The following SAMD11 variants were observed in gnomAD, a reference collection of about 807,000 sequenced individuals.
SAMD11 encodes the protein sterile alpha motif domain-containing protein 11.
Under a neutral mutation model 64.4 loss-of-function variants are expected in SAMD11, and 77 were observed. That is an observed-to-expected ratio of 1.20 (90% CI 0.99 to 1.44). The LOEUF is 1.44. SAMD11 is among the 40% of genes most tolerant of loss of function. The probability of loss-of-function intolerance (pLI) is 0.00; values close to 1 mark genes in which losing one functional copy is unlikely to be tolerated. For synonymous variants in SAMD11, 658 were observed against 421.9 expected (o/e 1.56, Z -6.86); for missense variants, 1,402 against 943.3 (o/e 1.49, Z -6.37).
chr1:924,116 C>G lies in SAMD11; in HGVS notation c.-316C>G, dbSNP rs1189996909. The G allele has an allele frequency of 6.7e-6, 1 of 149,602 alleles. No homozygotes were observed. Among genetic ancestry groups the G allele is most frequent in the Non-Finnish European group, 1.5e-5 (1 of 67,050 alleles). The allele number at this position is 149,602 out of a possible 1,614,324, so 9.3% of individuals were successfully genotyped here. A position where few individuals can be genotyped will look rare whatever the true frequency, so the allele number is the denominator to read the frequency against. ...GGCGTGGGACTGCCCCGGGCGCGGGCGCTGGTGGCCGGGGCGCGGGACTCC... is the reference window on the plus strand; with the variant it reads ...GGCGTGGGACTGCCCCGGGCGCGGGGGCTGGTGGCCGGGGCGCGGGACTCC... On this transcript the variant is annotated 5_prime_UTR_variant, in exon 1 of 14. Coordinates refer to ENST00000616016, the MANE Select transcript of SAMD11 (RefSeq NM_001385641.1).
rs1640798268 is a variant in SAMD11 at position 924,755 on chromosome 1, G to C, written c.324G>C (p.Leu108=). ...CCGCGGCCCCGGATTTCCAGCCGCTGCTGGACAACGGCGAGCCGTGCATCG... is the reference window on the plus strand; with the variant it reads ...CCGCGGCCCCGGATTTCCAGCCGCTCCTGGACAACGGCGAGCCGTGCATCG... ...TAAAAPDFQP[L]LDNGEPCIEV... Residue 108 remains leucine, a synonymous_variant, in exon 1 of 14, where the codon CTG becomes CTC. Coordinates refer to ENST00000616016, the MANE Select transcript of SAMD11 (RefSeq NM_001385641.1). 6.6e-6 allele frequency: 1 copy of C among 152,128 alleles called. No homozygotes were observed. Among genetic ancestry groups the C allele is most frequent in the African/African-American group, 2.4e-5 (1 of 41,426 alleles). 9.4% of individuals were successfully genotyped at this position (152,128 alleles called of 1,614,324 possible).
chr1:938,281 A>G (rs530621575), intron 5 of SAMD11, among the ~76,000 whole-genome samples: 2 of 149,404 alleles, frequency 1.3e-5, no homozygotes, highest in East Asian at 2.0e-4. Context: ...CTGAAGCTGG[A>G]CCTGGCCTGG....
At chr1:943,663 C>T (rs1336770352) in intron 12 of SAMD11, 35 bp from the exon 13 acceptor site, 7 of 1,503,926 alleles carry the variant, frequency 4.7e-6, no homozygotes, top group East Asian at 2.4e-5. Context: ...TGGAGCAGCA[C>T]CCGGGTCCTG....
chr1:930,964 C>A, intron 3 of SAMD11, 75 bp from the exon 4 acceptor site: 1 of 1,450,042 alleles, frequency 6.9e-7, no homozygotes, highest in Non-Finnish European at 9.7e-7. Context: ...GACAGGTCTG[C>A]GCACGCCCTG....
intron 7 of SAMD11, 173 bp downstream of exon 7, chr1:939,585 T>C: frequency 4.2e-6 from 2 of 481,364 alleles, no homozygotes; most frequent in Non-Finnish European, 6.3e-6. Context: ...CTGCCACACG[T>C]CCTGCCCCAT....
In SAMD11 at chr1:936,514, T is replaced by G. The variant is rs1297666409; in HGVS notation, c.967+618T>G. On this transcript the variant is annotated intron_variant, in intron 5 of 13. Transcript: ENST00000616016. ...GGCGCCTGAGGGAGGTGCTGCTGCC[T>G]GGTCACAGTTGTGGGGGGACCAGGC... Among the ~76,000 whole-genome samples the G allele has an allele frequency of 2.0e-5, 3 of 152,206 alleles. No individual in the cohort carries two copies. In the East Asian group the frequency reaches 5.8e-4, roughly 30 times the overall value.
At position 942,671 on chromosome 1, in the gene SAMD11, C is replaced by T; in HGVS notation, c.1666C>T (p.Arg556Trp). The T allele has an allele frequency of 7.0e-7, 1 of 1,429,922 alleles. No homozygotes were observed. Among genetic ancestry groups the T allele is most frequent in the Non-Finnish European group, 9.1e-7 (1 of 1,099,826 alleles). 88.6% of individuals were successfully genotyped at this position (1,429,922 alleles called of 1,614,324 possible). ...CAACGACGGCGCCGAGGAGCTGCAGCGGCGCGGGGCCCTGCTGGTGCTGAA... is the reference window on the plus strand; with the variant it reads ...CAACGACGGCGCCGAGGAGCTGCAGTGGCGCGGGGCCCTGCTGGTGCTGAA... ...RPNDGAEELQ[R>W]RGALLVLNHG... is the part of the protein sequence containing the mutation. Residue 556 changes from arginine (R) to tryptophan (W), a missense_variant, in exon 11 of 14, where the codon CGG (arginine) becomes TGG (tryptophan). By Grantham distance (101) the Arg-to-Trp change is moderately radical. Coordinates refer to ENST00000616016, the MANE Select transcript of SAMD11 (RefSeq NM_001385641.1).
At position 941,262 on chromosome 1, in the gene SAMD11, C is replaced by A; in HGVS notation, c.1314C>A (p.His438Gln). 1.2e-6 allele frequency: 2 copies of A among 1,600,268 alleles called. No individual in the cohort carries two copies. Among genetic ancestry groups the A allele is most frequent in the African/African-American group, 1.3e-5 (1 of 74,776 alleles). ...GTCGGAAGCAGGGCCTGGCTCAGCA[C>A]CGGGAGGGCGCCGCCCCAGCTGCCG... ...GQRRKQGLAQ[H>Q]REGAAPAAAP... Residue 438 changes from histidine to glutamine, a missense_variant, in exon 8 of 14, where the codon CAC (histidine) becomes CAA (glutamine). Transcript: ENST00000616016.
At chr1:927,601 G>A (rs974509076) in intron 2 of SAMD11, among the ~76,000 whole-genome samples, 12 of 152,320 alleles carry the variant, frequency 7.9e-5, no homozygotes, top group Middle Eastern at 3.4e-3. Context: ...TTACTCAGAG[G>A]CTGTCTCCCC....
Position 944,425 on chromosome 1 carries a change from G to A in SAMD11, c.*272G>A. On this transcript the variant is annotated 3_prime_UTR_variant, in exon 14 of 14. Transcript: ENST00000616016. Reference sequence around the variant, plus strand: ...AGGCCTCCCCCTGGAACTGGGACTGGTCTCGGTCTGCTGACGTCAGGGTCA... The same window carrying A: ...AGGCCTCCCCCTGGAACTGGGACTGATCTCGGTCTGCTGACGTCAGGGTCA... The A allele has an allele frequency of 9.2e-7, 1 of 1,083,576 alleles. No homozygotes were observed. The highest frequency in any genetic ancestry group is 3.0e-5 in the East Asian group (1 of 33,178). The allele number at this position is 1,083,576 out of a possible 1,614,324, so 67.1% of individuals were successfully genotyped here.
At chr1:942,346 T>G in intron 9 of SAMD11, 64 bp from the exon 10 acceptor site, 2 of 1,160,920 alleles carry the variant, frequency 1.7e-6, no homozygotes, top group Middle Eastern at 2.8e-4. Context: ...GGGTAGGGGA[T>G]TGCAAAGGGC....
At chr1:941,518 G>A (rs980321627) in intron 8 of SAMD11, among the ~76,000 whole-genome samples, 5 of 152,166 alleles carry the variant, frequency 3.3e-5, no homozygotes, top group Admixed American at 6.5e-5. Flanking sequence ...CCATCAGGGG[G>A]TTCCCTGGAG....
chr1:940,982 G>A, intron 7 of SAMD11, 162 bp from the exon 8 acceptor site: 4 of 564,076 alleles, frequency 7.1e-6, no homozygotes, highest in Non-Finnish European at 9.1e-6. Context: ...TCTCGGCCCT[G>A]TGGCCGCCCA....
chr1:942,028 C>A, intron 8 of SAMD11, 108 bp from the exon 9 acceptor site: 1 of 435,292 alleles, frequency 2.3e-6, no homozygotes, highest in Non-Finnish European at 4.1e-6. Context: ...AGCTGCGCAT[C>A]GACCGCCCGC....
Position 944,263 on chromosome 1 carries a change from AAATTTT to A in SAMD11, c.*113_*118del. 1 of 1,454,000 alleles carries A rather than the reference AAATTTT, an allele frequency of 6.9e-7. No homozygotes were observed. The highest frequency in any genetic ancestry group is 9.0e-7 in the Non-Finnish European group (1 of 1,105,270). The allele number at this position is 1,454,000 out of a possible 1,614,324, so 90.1% of individuals were successfully genotyped here. ...CTTTCGGTTTCGGATGCAAAACAAA[AAATTTT>A]AAAAGAAAATGTGACTTCAAAGGAA... On this transcript the variant is annotated 3_prime_UTR_variant, in exon 14 of 14. Coordinates refer to ENST00000616016, the MANE Select transcript of SAMD11 (RefSeq NM_001385641.1).
At chr1:943,155 C>T (rs1411797550) in intron 11 of SAMD11, 97 bp downstream of exon 11, 1 of 1,589,286 alleles carries the variant, frequency 6.3e-7, no homozygotes. Context: ...CCCTTAGGCA[C>T]CCATCCCCCA....
intron 2 of SAMD11, 21 bp downstream of exon 2, chr1:926,034 G>T: frequency 6.2e-7 from 1 of 1,607,928 alleles, no homozygotes. Context: ...GGGCTCGGTT[G>T]GGGCTGGGAG....
intron 5 of SAMD11, 90 bp from the exon 6 acceptor site, chr1:938,950 G>A (rs1641602258): frequency 8.6e-7 from 1 of 1,156,984 alleles, no homozygotes; most frequent in Non-Finnish European, 1.3e-6. Context: ...CCTGAGAGAT[G>A]GTGGGTGCGG....
Position 942,876 on chromosome 1 carries a change from C to A in SAMD11, c.1871C>A (p.Ser624Ter). 1 of 1,554,306 alleles carries A rather than the reference C, an allele frequency of 6.4e-7. No individual in the cohort carries two copies. The highest frequency in any genetic ancestry group is 8.7e-7 in the Non-Finnish European group (1 of 1,149,034). The change falls in exon 11 of 14, where the codon TCG (serine) becomes TAG (stop). Residue 624 changes from serine to a stop codon, truncating the protein, a stop_gained. Coordinates refer to ENST00000616016, the MANE Select transcript of SAMD11 (RefSeq NM_001385641.1). LOFTEE classifies it high-confidence loss of function. ...TGARLWAQDG[S>*]EDEPPKDSDG... Reference sequence around the variant, plus strand: ...GCTAGGCTCTGGGCACAAGATGGCTCGGAAGACGAGCCCCCCAAAGACTCG... The same window carrying A: ...GCTAGGCTCTGGGCACAAGATGGCTAGGAAGACGAGCCCCCCAAAGACTCG...
Sources: gnomAD v4.1 joint callset for allele counts (sites outside exome capture counted in the v4.1 genomes callset) on GRCh38, gnomAD v4.1.1 for gene constraint, MANE v1.5 for transcripts, NCBI Gene and HGNC (gene_info 2026-07-23, HGNC 2026-07-21) for gene names.